RBPJ: variants seen among roughly 807,000 people sequenced by gnomAD.
RBPJ encodes recombination signal binding protein for immunoglobulin kappa J region.
A neutral mutation model predicts 67.8 loss-of-function variants in RBPJ; 9 were observed. That is an observed-to-expected ratio of 0.13 (90% CI 0.08 to 0.23). The LOEUF (loss-of-function observed/expected upper bound fraction) is 0.23, where lower values mean the gene tolerates loss of function less well. RBPJ is among the 10% of genes least tolerant of loss of function. RBPJ has a pLI of 1.00. For synonymous variants in RBPJ, 198 were observed against 203.3 expected (o/e 0.97, Z 0.22); for missense variants, 305 against 595.6 (o/e 0.51, Z 5.08).
intron 1 of RBPJ, among the ~76,000 whole-genome samples, chr4:26,385,030 T>TTCC (rs1246972052): frequency 7.6e-6 from 1 of 132,314 alleles, no homozygotes; most frequent in Non-Finnish European, 1.6e-5. Flanking sequence ...CCTCTCGTCT[T>TTCC]TCCTCTTTTT....
At chr4:26,155,273 G>T in the RBPJ span, among the ~76,000 whole-genome samples, 1 of 152,104 alleles carries the variant, frequency 6.6e-6, no homozygotes, top group Non-Finnish European at 1.5e-5. Flanking sequence ...TTTTCTAAGT[G>T]ACCAGCTGAG....
intron 1 of RBPJ, among the ~76,000 whole-genome samples, chr4:26,169,651 T>C (rs1291390610): frequency 6.6e-6 from 1 of 152,222 alleles, no homozygotes; most frequent in Non-Finnish European, 1.5e-5. Flanking sequence ...GCTGTCTTTT[T>C]GTTTGTCTGT....
the RBPJ span, among the ~76,000 whole-genome samples, chr4:26,108,117 C>T: frequency 6.6e-6 from 1 of 152,122 alleles, no homozygotes; most frequent in Non-Finnish European, 1.5e-5. Context: ...GACAGTTTGT[C>T]CTCTAAGACA....
At chr4:26,318,119 ACACACACACG>A (rs1304723232), upstream of RBPJ, among the ~76,000 whole-genome samples, 3 of 151,484 alleles carry the variant, frequency 2.0e-5, no homozygotes, top group Non-Finnish European at 4.4e-5. Context: ...AAACACAAAC[ACACACACACG>A]CACACACACA....
chr4:26,342,949 T>G (rs541861070), intron 1 of RBPJ, among the ~76,000 whole-genome samples: 2 of 152,356 alleles, frequency 1.3e-5, no homozygotes, highest in African/African-American at 4.8e-5. Context: ...TCTATTATAC[T>G]GGAGTACTTT....
At chr4:26,255,569 A>G (rs9999048) in intron 1 of RBPJ, among the ~76,000 whole-genome samples, 4,893 of 150,638 alleles carry the variant, frequency 0.032, 153 homozygotes, top group African/African-American at 0.062. Flanking sequence ...TTGGGAGGCC[A>G]AGGCGGGCGG....
chr4:26,199,831 A>G (rs1717917638), intron 1 of RBPJ, among the ~76,000 whole-genome samples: 1 of 152,350 alleles, frequency 6.6e-6, no homozygotes, highest in Non-Finnish European at 1.5e-5. Flanking sequence ...TTAAAGAGTG[A>G]ATTTTATGGT....
the RBPJ span, among the ~76,000 whole-genome samples, chr4:26,127,342 G>T: frequency 6.6e-6 from 1 of 152,318 alleles, no homozygotes; most frequent in Admixed American, 6.5e-5. Flanking sequence ...GTGAGAATCT[G>T]ATCTGACCTA....
Position 26,328,112 on chromosome 4 carries a change from CT to C in RBPJ, c.20+7077del, listed in dbSNP as rs980943251. 6.7e-3 allele frequency among the ~76,000 whole-genome samples: 958 copies of C among 142,070 alleles called. 3 individuals are homozygous for C. The highest frequency in any genetic ancestry group is 0.016 in the African/African-American group (604 of 38,956). 93.2% of individuals were successfully genotyped at this position (142,070 alleles called of 152,430 possible). A position where few individuals can be genotyped will look rare whatever the true frequency, so the allele number is the denominator to read the frequency against. Reference sequence around the variant, plus strand: ...ATTTTGCCAGCATGTTTTTTCACATCTTTTTTTTTTTTTAATTTGATAACAT... The same window carrying C: ...ATTTTGCCAGCATGTTTTTTCACATCTTTTTTTTTTTTAATTTGATAACAT... On this transcript the variant is annotated intron_variant, in intron 1 of 10. Transcript: ENST00000355476.
intron 1 of RBPJ, among the ~76,000 whole-genome samples, chr4:26,327,489 G>A (rs147203618): frequency 0.012 from 1,726 of 148,146 alleles, 28 homozygotes; most frequent in African/African-American, 0.04. Flanking sequence ...AATGAAAACT[G>A]CATCTATTTG....
chr4:26,259,882 T>C (rs932168078), intron 1 of RBPJ, among the ~76,000 whole-genome samples: 2 of 152,200 alleles, frequency 1.3e-5, no homozygotes, highest in African/African-American at 4.8e-5. Context: ...AACTGCTGAT[T>C]TACTTGGGGC....
At chr4:26,166,660 T>C (rs891828157) in intron 1 of RBPJ, among the ~76,000 whole-genome samples, 14 of 151,954 alleles carry the variant, frequency 9.2e-5, no homozygotes, top group Non-Finnish European at 8.8e-5. Context: ...TTCTCCCGTT[T>C]TGTAGGTTGC....
intron 1 of RBPJ, among the ~76,000 whole-genome samples, chr4:26,231,499 C>CTA (rs1206914957): frequency 5.9e-5 from 9 of 151,738 alleles, no homozygotes; most frequent in Non-Finnish European, 1.0e-4. Flanking sequence ...GCAACCTCTG[C>CTA]CTCCCAGGTT....
intron 1 of RBPJ, among the ~76,000 whole-genome samples, chr4:26,345,824 G>A (rs1726073309): frequency 6.6e-6 from 1 of 152,122 alleles, no homozygotes. Context: ...GGCATTGGTA[G>A]GTTTTTGTTA....
chr4:26,258,706 G>A (rs185119487), intron 1 of RBPJ, among the ~76,000 whole-genome samples: 1 of 152,316 alleles, frequency 6.6e-6, no homozygotes. Flanking sequence ...CTAAAGAACT[G>A]AGGGTTTCGG....
chr4:26,165,740 AG>A, intron 1 of RBPJ, among the ~76,000 whole-genome samples: 1 of 151,376 alleles, frequency 6.6e-6, no homozygotes, highest in East Asian at 1.9e-4. Flanking sequence ...TTATACTTTA[AG>A]TTTTAGGGTA....
At chr4:26,153,344 T>TA in the RBPJ span, among the ~76,000 whole-genome samples, 1 of 152,322 alleles carries the variant, frequency 6.6e-6, no homozygotes, top group South Asian at 2.1e-4. Context: ...GTGTTCAGGG[T>TA]AACCAAGCAG....
intron 1 of RBPJ, among the ~76,000 whole-genome samples, chr4:26,170,989 G>T (rs149124254): frequency 6.2e-4 from 95 of 152,314 alleles, no homozygotes; most frequent in Admixed American, 1.2e-3. Flanking sequence ...ACTCAGCTAG[G>T]GGTGGCTGTT....
intron 1 of RBPJ, among the ~76,000 whole-genome samples, chr4:26,334,507 A>G (rs912119935): frequency 2.0e-5 from 3 of 152,156 alleles, no homozygotes; most frequent in Non-Finnish European, 4.4e-5. Flanking sequence ...GAGAGCATAC[A>G]TGAGAATTCT....
Sources: allele counts gnomAD v4.1 joint callset (sites outside exome capture counted in the v4.1 genomes callset), GRCh38; gene constraint gnomAD v4.1.1; transcripts MANE v1.5; gene names NCBI Gene and HGNC (gene_info 2026-07-23, HGNC 2026-07-21).